The following GRIK4 variants were observed in gnomAD, a reference collection of about 807,000 sequenced individuals.
GRIK4 encodes glutamate ionotropic receptor kainate type subunit 4.
GRIK4 carries 40 observed loss-of-function variants against 104.9 expected under a neutral mutation model. The observed-to-expected ratio is 0.38, with a 90% CI of 0.30 to 0.50. GRIK4 has a LOEUF of 0.50. GRIK4 is among the 20% of genes least tolerant of loss of function. The pLI is 0.93. For synonymous variants in GRIK4, 485 were observed against 524.9 expected (o/e 0.92, Z 1.04); for missense variants, 1,047 against 1,308.1 (o/e 0.80, Z 3.08).
At chr11:120,647,194 A>G (rs1249586710) in intron 1 of GRIK4, among the ~76,000 whole-genome samples, 4 of 152,194 alleles carry the variant, frequency 2.6e-5, no homozygotes, top group African/African-American at 9.7e-5. Context: ...GCTCCTACCC[A>G]ACGCATAGCT....
intron 11 of GRIK4, among the ~76,000 whole-genome samples, chr11:120,895,068 G>A (rs897137657): frequency 2.3e-4 from 35 of 152,164 alleles, no homozygotes; most frequent in African/African-American, 7.2e-4. Context: ...GAGGAGGGAG[G>A]TGGGAAGGTG....
intron 19 of GRIK4, among the ~76,000 whole-genome samples, chr11:120,971,378 C>T (rs920398170): frequency 6.6e-6 from 1 of 152,134 alleles, no homozygotes; most frequent in Non-Finnish European, 1.5e-5. Context: ...GATAAATGAA[C>T]AAGTGAATGA....
intron 3 of GRIK4, among the ~76,000 whole-genome samples, chr11:120,773,850 T>C (rs1338117873): frequency 6.6e-6 from 1 of 152,178 alleles, no homozygotes; most frequent in Non-Finnish European, 1.5e-5. Flanking sequence ...ATTACCAAGT[T>C]AAAACATTTG....
rs1048926398 is a variant in GRIK4, at chr11:120,862,599, C to T, written c.906+479C>T. ...GACCCCAGGAATCCTGGCTCCTGGT[C>T]TGGTGCTCTGTCCACCCCCTGGCCA... On this transcript the variant is annotated intron_variant, in intron 9 of 20. Transcript: ENST00000527524. Among the ~76,000 whole-genome samples, 9 of 152,150 alleles carry T rather than the reference C, an allele frequency of 5.9e-5. 1 individual carries two copies. The highest frequency in any genetic ancestry group is 6.3e-3 in the Middle Eastern group (2 of 316).
chr11:120,803,847 G>A (rs763903662), intron 4 of GRIK4, among the ~76,000 whole-genome samples: 1 of 152,186 alleles, frequency 6.6e-6, no homozygotes, highest in Non-Finnish European at 1.5e-5. Flanking sequence ...CCTACTATGC[G>A]CTGGGTACTG....
chr11:120,950,297 T>A (rs1943968901), intron 14 of GRIK4, among the ~76,000 whole-genome samples: 1 of 152,176 alleles, frequency 6.6e-6, no homozygotes, highest in Non-Finnish European at 1.5e-5. Flanking sequence ...TATGTCATGG[T>A]TTTTGTTCGT....
At chr11:120,877,067 G>A (rs1176722547) in intron 11 of GRIK4, among the ~76,000 whole-genome samples, 2 of 152,206 alleles carry the variant, frequency 1.3e-5, no homozygotes, top group African/African-American at 4.8e-5. Flanking sequence ...GCAGTAAAAG[G>A]AAAGAGTCTC....
Position 120,549,122 on chromosome 11 carries a change from A to G in GRIK4, c.-159+37235A>G, listed in dbSNP as rs1378543272. ...GGCTGTTTTTTTTTTTCACTGAGAC[A>G]GAGTCTTGCCTTGTTGCCCAGGCTG... On this transcript the variant is annotated intron_variant, in intron 1 of 20. Transcript: ENST00000527524. This position sits in a 1 kb window ranked among gnomAD's most constrained non-coding sequence, Gnocchi z 4.7. Among the ~76,000 whole-genome samples the G allele has an allele frequency of 1.3e-5, 2 of 151,514 alleles. No homozygotes were observed. Among genetic ancestry groups the G allele is most frequent in the African/African-American group, 4.9e-5 (2 of 41,224 alleles).
intron 3 of GRIK4, among the ~76,000 whole-genome samples, chr11:120,700,003 A>AT (rs1479329830): frequency 3.3e-5 from 5 of 152,174 alleles, no homozygotes; most frequent in Non-Finnish European, 5.9e-5. Flanking sequence ...TGGACTTCAA[A>AT]TTTTTTACAG....
At chr11:120,656,642 C>T (rs1229770313) in intron 2 of GRIK4, among the ~76,000 whole-genome samples, 2 of 152,130 alleles carry the variant, frequency 1.3e-5, no homozygotes, top group Non-Finnish European at 2.9e-5. Flanking sequence ...GGGTGGATCA[C>T]CTGAGGTCAG....
chr11:120,660,472 T>C (rs573619024), intron 3 of GRIK4, 72 bp downstream of exon 3: 2 of 1,188,452 alleles, frequency 1.7e-6, no homozygotes, highest in East Asian at 4.7e-5. Context: ...ATGAGAGTGC[T>C]GCACAGGACT....
At chr11:120,954,884 G>A (rs1241662524) in intron 15 of GRIK4, among the ~76,000 whole-genome samples, 1 of 151,126 alleles carries the variant, frequency 6.6e-6, no homozygotes, top group African/African-American at 2.4e-5. Context: ...TTTCAAACAT[G>A]GTTCTATGGA....
At chr11:120,636,614 G>A (rs1317509802) in intron 1 of GRIK4, among the ~76,000 whole-genome samples, 3 of 152,162 alleles carry the variant, frequency 2.0e-5, no homozygotes, top group Non-Finnish European at 2.9e-5. Flanking sequence ...GGCTCAGGCC[G>A]GTGGATCATG....
intron 1 of GRIK4, among the ~76,000 whole-genome samples, chr11:120,600,484 C>T (rs1177042933): frequency 1.2e-4 from 18 of 152,304 alleles, no homozygotes; most frequent in Non-Finnish European, 4.4e-5. Flanking sequence ...TCTGGGCCTC[C>T]CAGCAAAGCC....
At chr11:120,820,281 T>C (rs1953081181) in intron 6 of GRIK4, among the ~76,000 whole-genome samples, 1 of 152,028 alleles carries the variant, frequency 6.6e-6, no homozygotes, top group Non-Finnish European at 1.5e-5. Flanking sequence ...CAAACTCAAT[T>C]CCCACATTCT....
intron 11 of GRIK4, among the ~76,000 whole-genome samples, chr11:120,886,591 G>C (rs1955125462): frequency 6.6e-6 from 1 of 152,182 alleles, no homozygotes; most frequent in South Asian, 2.1e-4. Flanking sequence ...ACCTAGCCCT[G>C]TATTTCCCAT....
chr11:120,765,345 T>G (rs559455155), intron 3 of GRIK4, among the ~76,000 whole-genome samples: 2 of 152,182 alleles, frequency 1.3e-5, no homozygotes, highest in South Asian at 4.1e-4. Flanking sequence ...GTTATTCTAG[T>G]TAACAATTCC....
intron 4 of GRIK4, among the ~76,000 whole-genome samples, chr11:120,804,984 A>T (rs1302175904): frequency 6.6e-6 from 1 of 152,234 alleles, no homozygotes; most frequent in Non-Finnish European, 1.5e-5. Flanking sequence ...ATGGAGGAAC[A>T]AGGGCCAAAA....
At position 120,831,929 on chromosome 11, in the gene GRIK4, A is replaced by G. The variant is rs1391076959; in HGVS notation, c.589A>G (p.Thr197Ala). The G allele has an allele frequency of 8.1e-6, 13 of 1,613,612 alleles. No homozygotes were observed. The highest frequency in any genetic ancestry group is 1.3e-5 in the African/African-American group (1 of 74,806). ...GCTGTCCGTCCGCATGCTGGATGAC[A>G]CCCGGGACCCCACCCCGCTCCTCAA... is the stretch of plus-strand genomic sequence containing the variant. The part of the protein sequence containing the change: ...DTLSVRMLDD[T>A]RDPTPLLKEI... Residue 197 changes from threonine to alanine, a missense_variant, in exon 7 of 21, where the codon ACC (threonine) becomes GCC (alanine). Coordinates refer to ENST00000527524, the MANE Select transcript of GRIK4 (RefSeq NM_014619.5).
Sources: gnomAD v4.1 joint callset for allele counts (sites outside exome capture counted in the v4.1 genomes callset) on GRCh38, gnomAD v4.1.1 for gene constraint, Gnocchi (gnomAD v3.1) non-coding constraint, MANE v1.5 for transcripts, NCBI Gene and HGNC (gene_info 2026-07-23, HGNC 2026-07-21) for gene names.